Variants in SUFU observed in about 807,000 individuals in gnomAD.
SUFU encodes suppressor of fused homolog.
Under a neutral mutation model 58.9 loss-of-function variants are expected in SUFU, and 7 were observed. The observed-to-expected ratio is 0.12, with a 90% CI of 0.07 to 0.22. The LOEUF (loss-of-function observed/expected upper bound fraction) is 0.22. Among genes scored for constraint, SUFU ranks in the 10% least tolerant of loss-of-function variants. The pLI, the probability that SUFU is intolerant of heterozygous loss-of-function variation, is 1.00. For synonymous variants in SUFU, 232 were observed against 254.8 expected (o/e 0.91, Z 0.85); for missense variants, 451 against 641.3 (o/e 0.70, Z 3.20).
Position 102,541,697 on chromosome 10 carries a change from C to CTTTTT in SUFU, c.318-8253_318-8249dup, listed in dbSNP as rs869264798. 4.8e-4 allele frequency among the ~76,000 whole-genome samples: 27 copies of CTTTTT among 56,092 alleles called. 4 individuals carry two copies. The highest frequency in any genetic ancestry group is 6.5e-4 in the African/African-American group (9 of 13,782). 36.8% of individuals were successfully genotyped at this position (56,092 alleles called of 152,430 possible). On this transcript the variant is annotated intron_variant, in intron 2 of 11. Coordinates refer to ENST00000369902, the MANE Select transcript of SUFU (RefSeq NM_016169.4). ...TGCAGGCGTGAGCCACCGCGCCCGGCTTTTTTTTTTTTTTTTTTTTTTTTC... is the reference window on the plus strand; with the variant it reads ...TGCAGGCGTGAGCCACCGCGCCCGGCTTTTTTTTTTTTTTTTTTTTTTTTTTTTTC...
In SUFU at chr10:102,573,154, G is replaced by A. The variant is rs754077045; in HGVS notation, c.455-19428G>A. 2.5e-4 allele frequency: 195 copies of A among 773,458 alleles called. 1 individual carries two copies. Among genetic ancestry groups the A allele is most frequent in the Middle Eastern group, 2.6e-4 (1 of 3,862 alleles). The allele number at this position is 773,458 out of a possible 1,614,324, so 47.9% of individuals were successfully genotyped here. Reference sequence around the variant, plus strand: ...GGACACCTTTCAACACTGCCTTCTTGGCCTTCAAAGCCTTTGCTTTGGCTT... The same window carrying A: ...GGACACCTTTCAACACTGCCTTCTTAGCCTTCAAAGCCTTTGCTTTGGCTT... On this transcript the variant is annotated intron_variant, in intron 3 of 11. Transcript: ENST00000369902.
rs1438357532 is a variant in SUFU, at chr10:102,615,334, G to T, written c.1089G>T (p.Thr363=). The T allele has an allele frequency of 6.2e-7, 1 of 1,614,024 alleles. No individual in the cohort carries two copies. The highest frequency in any genetic ancestry group is 8.5e-7 in the Non-Finnish European group (1 of 1,180,022). ...TCATTCCCCATGAGCTGATTCGCAC[G>T]CGGCAGCTTGAGAGCGTACATCTGA... ...TAIIPHELIR[T]RQLESVHLKF... Residue 363 remains threonine (T), a synonymous_variant, in exon 9 of 12, where the codon ACG becomes ACT. Transcript: ENST00000369902.
At chr10:102,577,338 T>C (rs1429848607) in intron 3 of SUFU, among the ~76,000 whole-genome samples, 1 of 152,032 alleles carries the variant, frequency 6.6e-6, no homozygotes, top group Non-Finnish European at 1.5e-5. Flanking sequence ...CCTGGGATTT[T>C]TTTTTCTTGT....
chr10:102,525,991 C>G (rs939737668), intron 2 of SUFU, among the ~76,000 whole-genome samples: 1 of 152,136 alleles, frequency 6.6e-6, no homozygotes, highest in Non-Finnish European at 1.5e-5. Context: ...AGCAGGGCCC[C>G]AGCTACTCAG....
chr10:102,513,142 T>G (rs1661046054), intron 2 of SUFU, among the ~76,000 whole-genome samples: 1 of 152,160 alleles, frequency 6.6e-6, no homozygotes, highest in Non-Finnish European at 1.5e-5. Context: ...CTGGGATGAC[T>G]GGTTTCTTTT....
intron 3 of SUFU, among the ~76,000 whole-genome samples, chr10:102,555,591 G>A (rs2062967025): frequency 1.3e-5 from 2 of 152,160 alleles, no homozygotes; most frequent in Non-Finnish European, 2.9e-5. Context: ...TGAAGTCTTA[G>A]GCAAATCAAA....
chr10:102,623,222 A>G (rs1167841701), intron 10 of SUFU, among the ~76,000 whole-genome samples: 1 of 152,138 alleles, frequency 6.6e-6, no homozygotes, highest in Non-Finnish European at 1.5e-5. Context: ...GTAAGTGCAA[A>G]TATCAGTGAG....
chr10:102,556,785 G>GAGGA (rs1564679485), intron 3 of SUFU, among the ~76,000 whole-genome samples: 2 of 149,170 alleles, frequency 1.3e-5, no homozygotes, highest in Non-Finnish European at 3.0e-5. Flanking sequence ...AGAAGGAAGG[G>GAGGA]AGGAAGGAAG....
intron 8 of SUFU, among the ~76,000 whole-genome samples, chr10:102,614,777 A>G (rs1258799262): frequency 2.1e-5 from 3 of 144,052 alleles, no homozygotes; most frequent in Non-Finnish European, 3.1e-5. Flanking sequence ...TCGGGAGGCT[A>G]AGGCGGGAGA....
intron 2 of SUFU, among the ~76,000 whole-genome samples, chr10:102,547,887 A>G (rs1246249862): frequency 1.3e-5 from 2 of 152,140 alleles, no homozygotes; most frequent in Non-Finnish European, 2.9e-5. Context: ...ATGGTGGCTC[A>G]TATCTGTAAT....
chr10:102,603,811 C>CTAAGATG, intron 8 of SUFU, among the ~76,000 whole-genome samples: 1 of 152,332 alleles, frequency 6.6e-6, no homozygotes, highest in South Asian at 2.1e-4. Context: ...TGACTTTGCT[C>CTAAGATG]CCTCTAATTC....
At chr10:102,611,481 C>T (rs759833537) in intron 8 of SUFU, among the ~76,000 whole-genome samples, 1 of 152,216 alleles carries the variant, frequency 6.6e-6, no homozygotes, top group Non-Finnish European at 1.5e-5. Context: ...TCTTTCAAGC[C>T]CCATCTCAGA....
chr10:102,604,206 T>C (rs1317258145), intron 8 of SUFU, among the ~76,000 whole-genome samples: 2 of 152,232 alleles, frequency 1.3e-5, no homozygotes, highest in Non-Finnish European at 2.9e-5. Flanking sequence ...AGCCAGACTC[T>C]GCAGGGCTGA....
chr10:102,548,227 A>T (rs1178086180), intron 2 of SUFU, among the ~76,000 whole-genome samples: 1 of 152,222 alleles, frequency 6.6e-6, no homozygotes, highest in Admixed American at 6.5e-5. Context: ...TTTGATCATG[A>T]TGGTTTCTAA....
chr10:102,630,338 A>G lies in SUFU; in HGVS notation c.*183A>G. ...GCCACAGGCCCTCCACCTCACCTCC[A>G]GCTCAGGGGCCGCACCCCGCCGCTG... On this transcript the variant is annotated 3_prime_UTR_variant, in exon 12 of 12. Transcript: ENST00000369902. The G allele has an allele frequency of 1.6e-6, 1 of 642,232 alleles. No homozygotes were observed. Among genetic ancestry groups the G allele is most frequent in the Non-Finnish European group, 2.8e-6 (1 of 361,342 alleles). 39.8% of individuals were successfully genotyped at this position (642,232 alleles called of 1,614,324 possible). A position where few individuals can be genotyped will look rare whatever the true frequency, so the allele number is the denominator to read the frequency against.
intron 3 of SUFU, among the ~76,000 whole-genome samples, chr10:102,575,589 A>G (rs1233181545): frequency 6.6e-6 from 1 of 152,222 alleles, no homozygotes; most frequent in East Asian, 1.9e-4. Flanking sequence ...GGCAGGGCCC[A>G]CATGACCCAA....
chr10:102,616,270 C>T (rs115165261), intron 9 of SUFU, among the ~76,000 whole-genome samples: 3 of 152,306 alleles, frequency 2.0e-5, no homozygotes, highest in African/African-American at 7.2e-5. Flanking sequence ...AGCTGGCTAC[C>T]CCACAGCCCA....
intron 3 of SUFU, among the ~76,000 whole-genome samples, chr10:102,587,387 C>CT (rs901871908): frequency 6.6e-6 from 1 of 152,048 alleles, no homozygotes; most frequent in Admixed American, 6.6e-5. Context: ...TTTCTGTTTT[C>CT]TTTTTTTTAT....
At chr10:102,614,337 C>T (rs1334425049) in intron 8 of SUFU, among the ~76,000 whole-genome samples, 1 of 152,072 alleles carries the variant, frequency 6.6e-6, no homozygotes, top group African/African-American at 2.4e-5. Flanking sequence ...AGGCAGATCA[C>T]CTGAGGTCAG....
Sources: gnomAD v4.1 joint callset for allele counts (sites outside exome capture counted in the v4.1 genomes callset) on GRCh38, gnomAD v4.1.1 for gene constraint, MANE v1.5 for transcripts, NCBI Gene and HGNC (gene_info 2026-07-23, HGNC 2026-07-21) for gene names.